The following CSMD1 variants were observed in gnomAD, a reference collection of about 807,000 sequenced individuals.
CSMD1 encodes the protein CUB and sushi domain-containing protein 1.
In CSMD1, 213 loss-of-function variants were observed where a neutral mutation model predicts 417.5. That is an observed-to-expected ratio of 0.51 (90% CI 0.46 to 0.57). CSMD1 has a LOEUF of 0.57. Ranked by LOEUF, CSMD1 falls within the 20% of genes least tolerant of loss-of-function variation. CSMD1 has a pLI of 0.00. For missense variants in CSMD1, 6,923 were observed against 4,529.7 expected, an observed-to-expected ratio of 1.53 and a Z score of -15.17; for synonymous variants, 2,862 against 1,736.8, an observed-to-expected ratio of 1.65 and a Z score of -16.11.
At chr8:4,550,474 T>C (rs1406493550) in intron 2 of CSMD1, among the ~76,000 whole-genome samples, 1 of 152,164 alleles carries the variant, frequency 6.6e-6, no homozygotes, top group Non-Finnish European at 1.5e-5. Flanking sequence ...TAGGTCACTT[T>C]GATACATCAG....
At chr8:2,979,544 A>C (rs1236837378) in intron 54 of CSMD1, among the ~76,000 whole-genome samples, 2 of 152,244 alleles carry the variant, frequency 1.3e-5, no homozygotes, top group Non-Finnish European at 2.9e-5. Flanking sequence ...CCAGTGAATG[A>C]GGCAGCTGTT....
At chr8:3,558,696 T>G (rs1008049904) in intron 10 of CSMD1, among the ~76,000 whole-genome samples, 3 of 150,148 alleles carry the variant, frequency 2.0e-5, no homozygotes, top group Non-Finnish European at 4.4e-5. Context: ...CCGTGTCCAC[T>G]CCCGCAATGA....
chr8:4,610,104 C>A (rs758889598), intron 2 of CSMD1, among the ~76,000 whole-genome samples: 1 of 151,742 alleles, frequency 6.6e-6, no homozygotes, highest in Non-Finnish European at 1.5e-5. Context: ...TATTTCTCTC[C>A]TTTTCAGGGA....
intron 10 of CSMD1, among the ~76,000 whole-genome samples, chr8:3,495,993 C>G (rs760833023): frequency 6.6e-6 from 1 of 152,102 alleles, no homozygotes; most frequent in Non-Finnish European, 1.5e-5. Context: ...TTTGCTGCAC[C>G]TGTCAACCCA....
chr8:3,337,602 A>G (rs1807353516), intron 23 of CSMD1, among the ~76,000 whole-genome samples: 1 of 152,188 alleles, frequency 6.6e-6, no homozygotes, highest in South Asian at 2.1e-4. Context: ...CAGGGAATGC[A>G]TATCCACAAA....
intron 1 of CSMD1, among the ~76,000 whole-genome samples, chr8:4,885,931 G>T (rs1296755846): frequency 6.6e-6 from 1 of 151,934 alleles, no homozygotes; most frequent in East Asian, 1.9e-4. Context: ...TTCTTTGTAA[G>T]GATTTTATCA....
At position 3,845,644 on chromosome 8, in the gene CSMD1, T is replaced by C. The variant is rs896626440; in HGVS notation, c.819-91602A>G. Among the ~76,000 whole-genome samples, 4 of 152,122 alleles carry C rather than the reference T, an allele frequency of 2.6e-5. No individual in the cohort carries two copies. In the East Asian group the frequency reaches 7.7e-4, roughly 29 times the overall value. On this transcript the variant is annotated intron_variant, in intron 5 of 69. Coordinates refer to ENST00000635120, the MANE Select transcript of CSMD1 (RefSeq NM_033225.6). ...GTGTACTTAGGCACACTAAATTCATTTAAACATTTTTTTGTCTTCAATAAT... is the reference window on the plus strand; with the variant it reads ...GTGTACTTAGGCACACTAAATTCATCTAAACATTTTTTTGTCTTCAATAAT...
chr8:4,002,649 T>C (rs960290930), intron 4 of CSMD1, among the ~76,000 whole-genome samples: 1 of 152,202 alleles, frequency 6.6e-6, no homozygotes, highest in Non-Finnish European at 1.5e-5. Flanking sequence ...CGCTAAAGGA[T>C]AAAAGCTTTG....
intron 6 of CSMD1, among the ~76,000 whole-genome samples, chr8:3,741,277 A>G (rs896886242): frequency 2.0e-5 from 3 of 150,050 alleles, no homozygotes; most frequent in African/African-American, 7.4e-5. Context: ...GTATGACTCC[A>G]TGCGGTAGAG....
At chr8:4,155,755 G>C (rs1796801949) in intron 3 of CSMD1, among the ~76,000 whole-genome samples, 1 of 152,184 alleles carries the variant, frequency 6.6e-6, no homozygotes, top group South Asian at 2.1e-4. Context: ...TTTTGTCATT[G>C]ATCCCCGGAT....
At chr8:4,411,650 A>C (rs574563515) in intron 3 of CSMD1, among the ~76,000 whole-genome samples, 2 of 152,146 alleles carry the variant, frequency 1.3e-5, no homozygotes, top group Admixed American at 6.5e-5. Flanking sequence ...TCTCAAACCT[A>C]ATTTATTTTC....
At chr8:3,426,672 C>G (rs2117002234) in intron 12 of CSMD1, among the ~76,000 whole-genome samples, 1 of 152,286 alleles carries the variant, frequency 6.6e-6, no homozygotes, top group African/African-American at 2.4e-5. Context: ...TGTCAACTTA[C>G]TTTATTTTTC....
At chr8:3,869,067 G>T (rs111378606) in intron 5 of CSMD1, among the ~76,000 whole-genome samples, 1 of 152,148 alleles carries the variant, frequency 6.6e-6, no homozygotes, top group Non-Finnish European at 1.5e-5. Context: ...TGGCTGCCAC[G>T]CTGACATGAC....
At chr8:3,901,179 C>A (rs1274081029) in intron 5 of CSMD1, among the ~76,000 whole-genome samples, 1 of 152,132 alleles carries the variant, frequency 6.6e-6, no homozygotes, top group East Asian at 1.9e-4. Context: ...CATGCAAAAG[C>A]AGAGAATTTA....
chr8:3,987,438 G>C (rs564270070), intron 5 of CSMD1, among the ~76,000 whole-genome samples: 17 of 152,286 alleles, frequency 1.1e-4, no homozygotes, highest in Non-Finnish European at 1.9e-4. Flanking sequence ...TGGTACAGTG[G>C]TAGGTTTCTG....
intron 3 of CSMD1, among the ~76,000 whole-genome samples, chr8:4,228,260 T>A (rs1338448377): frequency 6.6e-6 from 1 of 152,198 alleles, no homozygotes; most frequent in African/African-American, 2.4e-5. Flanking sequence ...TGTCATCCTT[T>A]CCAGTCACAG....
At chr8:3,263,060 C>G (rs958062097) in intron 26 of CSMD1, among the ~76,000 whole-genome samples, 1 of 152,162 alleles carries the variant, frequency 6.6e-6, no homozygotes, top group African/African-American at 2.4e-5. Context: ...ATGTCACCTA[C>G]TTTGTGTAAT....
chr8:3,046,700 TTC>T (rs1363109959), intron 50 of CSMD1, among the ~76,000 whole-genome samples: 1 of 152,128 alleles, frequency 6.6e-6, no homozygotes, highest in East Asian at 1.9e-4. Context: ...ATCAAATCAT[TTC>T]CAGGCAGCCT....
chr8:3,189,928 C>A lies in CSMD1; in HGVS notation c.5382G>T (p.Thr1794=). 1.3e-6 allele frequency: 2 copies of A among 1,583,632 alleles called. No individual in the cohort carries two copies. Among genetic ancestry groups the A allele is most frequent in the Non-Finnish European group, 1.7e-6 (2 of 1,165,266 alleles). The change falls in exon 34 of 70, where the codon ACG becomes ACT. Residue 1794 remains threonine (T), a synonymous_variant. Coordinates refer to ENST00000635120, the MANE Select transcript of CSMD1 (RefSeq NM_033225.6). ...ACTGCTCACCCACACAGCTGGGGAT[C>A]GTGTCGTTCCACTGTGCCAAGGCGT... ...VPNALAQWND[T]IPSCVVPCSG...
Sources: allele counts gnomAD v4.1 joint callset (sites outside exome capture counted in the v4.1 genomes callset), GRCh38; gene constraint gnomAD v4.1.1; transcripts MANE v1.5; gene names NCBI Gene and HGNC (gene_info 2026-07-23, HGNC 2026-07-21).